PRPF6: variants seen among roughly 807,000 people sequenced by gnomAD.
The protein encoded by PRPF6 is pre-mRNA-processing factor 6.
A neutral mutation model predicts 118.3 loss-of-function variants in PRPF6; 42 were observed. The observed-to-expected ratio is 0.35, with a 90% CI of 0.28 to 0.46. PRPF6 has a LOEUF of 0.46. Among genes scored for constraint, PRPF6 ranks in the 20% least tolerant of loss-of-function variants. The pLI is 1.00. For missense variants in PRPF6, 662 were observed against 1,255.7 expected (o/e 0.53, Z 7.15); for synonymous variants, 481 against 485.1 (o/e 0.99, Z 0.11).
chr20:64,031,812 G>A (rs970691263), intron 19 of PRPF6, 106 bp from the exon 20 acceptor site: 1 of 1,506,680 alleles, frequency 6.6e-7, no homozygotes, highest in African/African-American at 1.4e-5. Context: ...GGGAGCACCA[G>A]GGCTGCGGGT....
Position 64,026,957 on chromosome 20 carries a change from G to C in PRPF6, c.2029-25G>C, listed in dbSNP as rs747313364. On this transcript the variant is annotated intron_variant, in intron 15 of 20. Transcript: ENST00000266079. This position sits in a 1 kb window ranked among gnomAD's most constrained non-coding sequence, Gnocchi z 4.4. ...ACGTACCCTGGAGCTGATGCCCTGC[G>C]TGACAGTGCATGTCTGCCCCACAGG... The C allele has an allele frequency of 1.1e-5, 17 of 1,613,300 alleles. No individual in the cohort carries two copies. The highest frequency in any genetic ancestry group is 4.0e-5 in the African/African-American group (3 of 74,912).
chr20:64,016,441 AAAAAT>A (rs552530637), intron 11 of PRPF6, among the ~76,000 whole-genome samples: 2 of 152,146 alleles, frequency 1.3e-5, no homozygotes, highest in Non-Finnish European at 2.9e-5. Flanking sequence ...TGTCTCTTAA[AAAAAT>A]AAAATAAAAA....
rs1410473581 is a variant in PRPF6, at chr20:63,981,314, G to A, written c.69G>A (p.Arg23=). 2 of 1,596,036 alleles carry A rather than the reference G, an allele frequency of 1.3e-6. No individual in the cohort carries two copies. Among genetic ancestry groups the A allele is most frequent in the Middle Eastern group, 1.7e-4 (1 of 6,036 alleles). Residue 23 remains arginine, a splice_region_variant and synonymous_variant, in exon 1 of 21, where the codon CGG becomes CGA. Transcript: ENST00000266079. ...TCGGCTACGTGCCGGGGCTGGGCCG[G>A]GGGTGAGGCCTGGGGCGGCGCGCGA... The part of the protein sequence containing the change: ...APLGYVPGLG[R]GATGFTTRSD...
At chr20:63,987,193 G>C (rs1444196779) in intron 3 of PRPF6, among the ~76,000 whole-genome samples, 54 of 149,594 alleles carry the variant, frequency 3.6e-4, no homozygotes, top group African/African-American at 1.3e-3. Flanking sequence ...AAAAAAAGGG[G>C]GGGGGAGCAT....
At chr20:63,981,647 C>A (rs996334100) in intron 1 of PRPF6, among the ~76,000 whole-genome samples, 1 of 140,116 alleles carries the variant, frequency 7.1e-6, no homozygotes, top group Non-Finnish European at 1.6e-5. Context: ...TGACACTCCC[C>A]CCCCCCGCCC....
rs542136501 is a variant in PRPF6, at chr20:63,988,553, G to A, written c.359+3528G>A. Among the ~76,000 whole-genome samples the A allele has an allele frequency of 7.8e-4, 119 of 152,064 alleles. 1 individual carries two copies. The highest frequency in any genetic ancestry group is 1.7e-3 in the South Asian group (8 of 4,806). ...GTAATTTACAGATTCAATGCAATCC[G>A]TATCAAAATACTGGGGACATTATTA... On this transcript the variant is annotated intron_variant, in intron 3 of 20. Transcript: ENST00000266079.
chr20:64,003,641 C>G (rs77333684), intron 9 of PRPF6, among the ~76,000 whole-genome samples: 1 of 152,036 alleles, frequency 6.6e-6, no homozygotes, highest in Admixed American at 6.6e-5. Context: ...TGTCGCCCAG[C>G]CTGGAGTGCA....
At chr20:63,987,472 C>G (rs137978335) in intron 3 of PRPF6, among the ~76,000 whole-genome samples, 1 of 151,096 alleles carries the variant, frequency 6.6e-6, no homozygotes, top group African/African-American at 2.4e-5. Context: ...GAGACTGTGT[C>G]GCAAAGAAAA....
chr20:64,017,909 A>G (rs1045268534), intron 12 of PRPF6, among the ~76,000 whole-genome samples: 4 of 152,190 alleles, frequency 2.6e-5, no homozygotes, highest in South Asian at 2.1e-4. Context: ...ACCTTACTCA[A>G]ATCTCACCCA....
chr20:64,031,525 T>C (rs1472899759), intron 19 of PRPF6, among the ~76,000 whole-genome samples: 1 of 151,760 alleles, frequency 6.6e-6, no homozygotes, highest in African/African-American at 2.4e-5. Flanking sequence ...ATACAAAAAT[T>C]AGCCGGGTGT....
At chr20:64,001,018 G>C in intron 8 of PRPF6, 59 bp from the exon 9 acceptor site, 1 of 1,571,934 alleles carries the variant, frequency 6.4e-7, no homozygotes, top group Non-Finnish European at 8.7e-7. Flanking sequence ...TGTGCCTGCT[G>C]CCCTGTTGCG....
intron 10 of PRPF6, 107 bp downstream of exon 10, chr20:64,010,425 G>C: frequency 1.0e-6 from 1 of 976,088 alleles, no homozygotes; most frequent in Non-Finnish European, 1.6e-6. Flanking sequence ...GCTCACTCAG[G>C]CTGCAATTTC....
intron 4 of PRPF6, among the ~76,000 whole-genome samples, chr20:63,993,951 T>C (rs984985121): frequency 2.6e-5 from 4 of 151,838 alleles, no homozygotes; most frequent in Non-Finnish European, 4.4e-5. Flanking sequence ...GATTTCGCCA[T>C]GTGTACCAGG....
intron 12 of PRPF6, 40 bp downstream of exon 12, chr20:64,016,885 C>T (rs1364856119): frequency 6.2e-7 from 1 of 1,613,154 alleles, no homozygotes; most frequent in Non-Finnish European, 8.5e-7. Context: ...AATATGGAGT[C>T]TCTGCTTGTG....
At chr20:64,009,060 G>T (rs145130565) in intron 9 of PRPF6, among the ~76,000 whole-genome samples, 8 of 151,960 alleles carry the variant, frequency 5.3e-5, no homozygotes, top group African/African-American at 1.9e-4. Context: ...CGAGGCGGGC[G>T]GATCATGTGG....
chr20:64,012,957 C>G (rs909673144), intron 11 of PRPF6, among the ~76,000 whole-genome samples: 1 of 129,940 alleles, frequency 7.7e-6, no homozygotes, highest in Admixed American at 7.8e-5. Context: ...CCCCCACACC[C>G]TTTTTTTTTT....
intron 3 of PRPF6, among the ~76,000 whole-genome samples, chr20:63,990,428 A>C (rs1263381799): frequency 1.3e-5 from 2 of 151,694 alleles, no homozygotes; most frequent in Non-Finnish European, 1.5e-5. Flanking sequence ...ATTGTGCATA[A>C]ATTTTATACC....
chr20:64,031,823 C>T (rs1010968518), intron 19 of PRPF6, 95 bp from the exon 20 acceptor site: 2 of 1,561,500 alleles, frequency 1.3e-6, no homozygotes, highest in Non-Finnish European at 1.8e-6. Context: ...GGCTGCGGGT[C>T]AGGGATGAAG....
At chr20:64,014,095 A>T (rs1446481143) in intron 11 of PRPF6, among the ~76,000 whole-genome samples, 1 of 151,366 alleles carries the variant, frequency 6.6e-6, no homozygotes, top group East Asian at 2.0e-4. Flanking sequence ...GCGCCACCAC[A>T]CCTGGCTAAT....
Sources: allele counts gnomAD v4.1 joint callset (sites outside exome capture counted in the v4.1 genomes callset), GRCh38; gene constraint gnomAD v4.1.1; non-coding constraint Gnocchi (gnomAD v3.1); transcripts MANE v1.5; gene names NCBI Gene and HGNC (gene_info 2026-07-23, HGNC 2026-07-21).